The following ERBB4 variants were observed in gnomAD, a reference collection of about 807,000 sequenced individuals.
ERBB4 encodes erb-b2 receptor tyrosine kinase 4.
In ERBB4, 42 loss-of-function variants were observed where a neutral mutation model predicts 158.0. The observed-to-expected ratio is 0.27, with a 90% CI of 0.21 to 0.34. ERBB4 has a LOEUF of 0.34. ERBB4 is among the 10% of genes least tolerant of loss of function. The probability of loss-of-function intolerance (pLI) is 1.00; values close to 1 mark genes in which losing one functional copy is unlikely to be tolerated. For missense variants in ERBB4, 1,333 were observed against 1,624.1 expected, an observed-to-expected ratio of 0.82 and a Z score of 3.08; for synonymous variants, 583 against 558.7, an observed-to-expected ratio of 1.04 and a Z score of -0.61.
intron 25 of ERBB4, among the ~76,000 whole-genome samples, chr2:211,391,163 TA>T (rs763545347): frequency 2.0e-5 from 3 of 152,232 alleles, no homozygotes; most frequent in Non-Finnish European, 4.4e-5. Context: ...TTGCTGTTTT[TA>T]GTTTGAAACC....
intron 20 of ERBB4, among the ~76,000 whole-genome samples, chr2:211,496,420 C>A (rs938107179): frequency 6.6e-6 from 1 of 151,878 alleles, no homozygotes. Context: ...TGCACTAGTT[C>A]TTTCTATATG....
intron 1 of ERBB4, among the ~76,000 whole-genome samples, chr2:212,164,730 T>C (rs1027197601): frequency 1.3e-5 from 2 of 152,026 alleles, no homozygotes; most frequent in Admixed American, 1.3e-4. Flanking sequence ...TTGAAAAATA[T>C]TGAAAAATGG....
intron 1 of ERBB4, among the ~76,000 whole-genome samples, chr2:212,137,906 A>G (rs2080324914): frequency 6.6e-6 from 1 of 152,162 alleles, no homozygotes; most frequent in East Asian, 1.9e-4. Flanking sequence ...CCACCACTAG[A>G]GAAATATCTG....
At chr2:211,553,703 G>C (rs1478409721) in intron 20 of ERBB4, among the ~76,000 whole-genome samples, 1 of 152,108 alleles carries the variant, frequency 6.6e-6, no homozygotes, top group African/African-American at 2.4e-5. Flanking sequence ...CCCTTTTCAA[G>C]AGCACAGAGA....
intron 2 of ERBB4, among the ~76,000 whole-genome samples, chr2:212,056,246 T>C (rs1236205382): frequency 6.6e-6 from 1 of 152,020 alleles, no homozygotes; most frequent in East Asian, 1.9e-4. Flanking sequence ...TAAAAAGAAA[T>C]GAACAAAGCC....
intron 5 of ERBB4, among the ~76,000 whole-genome samples, chr2:211,735,703 C>A (rs750362520): frequency 6.6e-6 from 1 of 151,838 alleles, no homozygotes; most frequent in Non-Finnish European, 1.5e-5. Context: ...AAATCTCAGA[C>A]CCAGAGAGGG....
At chr2:211,585,914 GTT>G (rs1369851430) in intron 19 of ERBB4, among the ~76,000 whole-genome samples, 1 of 152,090 alleles carries the variant, frequency 6.6e-6, no homozygotes, top group Non-Finnish European at 1.5e-5. Flanking sequence ...AATAATTAAA[GTT>G]ATACATATCC....
intron 1 of ERBB4, among the ~76,000 whole-genome samples, chr2:212,509,117 A>G (rs1021959828): frequency 1.3e-5 from 2 of 151,976 alleles, no homozygotes; most frequent in African/African-American, 2.4e-5. Context: ...GAATAGCCTA[A>G]ATAAAACTTT....
intron 4 of ERBB4, among the ~76,000 whole-genome samples, chr2:211,770,494 C>A (rs1208703075): frequency 6.6e-6 from 1 of 152,018 alleles, no homozygotes; most frequent in Non-Finnish European, 1.5e-5. Context: ...GTGTGAAAAC[C>A]TTTCTCATAT....
At chr2:212,477,373 G>A (rs185864608) in intron 1 of ERBB4, among the ~76,000 whole-genome samples, 108 of 152,200 alleles carry the variant, frequency 7.1e-4, no homozygotes, top group African/African-American at 2.4e-3. Flanking sequence ...TAAGGAATGC[G>A]AAAGGAACCG....
chr2:212,351,635 A>T (rs1259620738), intron 1 of ERBB4, among the ~76,000 whole-genome samples: 5 of 152,266 alleles, frequency 3.3e-5, no homozygotes, highest in South Asian at 2.1e-4. Flanking sequence ...TAAATAAAAT[A>T]AAAAAATCAG....
At chr2:212,012,888 A>T (rs557827077) in intron 2 of ERBB4, among the ~76,000 whole-genome samples, 2 of 151,838 alleles carry the variant, frequency 1.3e-5, no homozygotes, top group South Asian at 4.2e-4. Flanking sequence ...GGGACCACAG[A>T]TGCATGTCAC....
At chr2:212,171,069 A>G (rs2125671664) in intron 1 of ERBB4, among the ~76,000 whole-genome samples, 1 of 152,184 alleles carries the variant, frequency 6.6e-6, no homozygotes, top group Non-Finnish European at 1.5e-5. Context: ...CAGGAGGGGG[A>G]ATATGACCTG....
At chr2:212,170,790 C>T (rs945446054) in intron 1 of ERBB4, among the ~76,000 whole-genome samples, 3 of 152,152 alleles carry the variant, frequency 2.0e-5, no homozygotes, top group Non-Finnish European at 4.4e-5. Flanking sequence ...GGAACCTCTG[C>T]CTCGATTTCA....
intron 1 of ERBB4, among the ~76,000 whole-genome samples, chr2:212,375,348 T>G (rs1187984171): frequency 6.6e-6 from 1 of 152,148 alleles, no homozygotes; most frequent in Non-Finnish European, 1.5e-5. Flanking sequence ...CATGTATAAC[T>G]AAATCAATGT....
Position 211,653,883 on chromosome 2 carries a change from C to A in ERBB4, c.1946+3871G>T, listed in dbSNP as rs189340577. 1.8e-3 allele frequency among the ~76,000 whole-genome samples: 267 copies of A among 152,084 alleles called. 1 individual carries two copies. Among genetic ancestry groups the A allele is most frequent in the Non-Finnish European group, 2.6e-3 (177 of 67,998 alleles). On this transcript the variant is annotated intron_variant, in intron 16 of 27. Transcript: ENST00000342788. ...TAGAGATGGGGTTTCACCGTGTTAG[C>A]CAGGCTTGTCTCGTTCGCCTGACCT...
intron 2 of ERBB4, among the ~76,000 whole-genome samples, chr2:211,988,421 C>T (rs2081990716): frequency 1.3e-5 from 2 of 152,072 alleles, no homozygotes; most frequent in South Asian, 4.2e-4. Context: ...ACATTAGCAG[C>T]AGTACAGTGT....
At chr2:212,071,519 G>A (rs76976745) in intron 2 of ERBB4, among the ~76,000 whole-genome samples, 6,244 of 151,990 alleles carry the variant, frequency 0.041, 173 homozygotes, top group Middle Eastern at 0.065. Flanking sequence ...GTTCATGAAT[G>A]TACTTTTTGA....
intron 20 of ERBB4, among the ~76,000 whole-genome samples, chr2:211,522,348 AC>A (rs2066209826): frequency 6.6e-6 from 1 of 152,190 alleles, no homozygotes; most frequent in Admixed American, 6.5e-5. Context: ...CAGCAAGATA[AC>A]TACAATTAGA....
Sources: gnomAD v4.1 joint callset for allele counts (sites outside exome capture counted in the v4.1 genomes callset) on GRCh38, gnomAD v4.1.1 for gene constraint, MANE v1.5 for transcripts, NCBI Gene and HGNC (gene_info 2026-07-23, HGNC 2026-07-21) for gene names.